Variants in ARL13B observed in about 807,000 individuals in gnomAD.
ARL13B encodes the protein ADP-ribosylation factor-like protein 13B.
A neutral mutation model predicts 56.1 loss-of-function variants in ARL13B; 36 were observed. That is an observed-to-expected ratio of 0.64 (90% confidence interval 0.49 to 0.85). The LOEUF is 0.85. ARL13B is among the 40% of genes least tolerant of loss of function. ARL13B has a pLI of 0.00. For synonymous variants in ARL13B, 178 were observed against 171.1 expected (o/e 1.04, Z -0.32); for missense variants, 519 against 507.1 (o/e 1.02, Z -0.23).
chr3:94,021,151 A>G (rs1422189036), intron 3 of ARL13B, among the ~76,000 whole-genome samples: 1 of 150,580 alleles, frequency 6.6e-6, no homozygotes, highest in Non-Finnish European at 1.5e-5. Flanking sequence ...AGGTGTTAAA[A>G]AGTTGTTTTT....
At chr3:94,003,137 C>G (rs983530632) in intron 2 of ARL13B, among the ~76,000 whole-genome samples, 1 of 152,106 alleles carries the variant, frequency 6.6e-6, no homozygotes, top group Non-Finnish European at 1.5e-5. Context: ...CTTTTTGTTG[C>G]AAGCTGCCCT....
At chr3:94,039,314 T>C (rs548318845) in intron 5 of ARL13B, among the ~76,000 whole-genome samples, 138 of 151,978 alleles carry the variant, frequency 9.1e-4, no homozygotes, top group African/African-American at 3.3e-3. Context: ...TCCTGGCTAA[T>C]AGGGTGAAAC....
At chr3:94,026,501 G>GTAGT (rs1559995331) in intron 3 of ARL13B, among the ~76,000 whole-genome samples, 1 of 152,034 alleles carries the variant, frequency 6.6e-6, no homozygotes, top group Non-Finnish European at 1.5e-5. Context: ...ACATTTTCTA[G>GTAGT]TAGTTGCATA....
At chr3:94,008,196 T>C (rs1052932920) in intron 3 of ARL13B, among the ~76,000 whole-genome samples, 1 of 152,214 alleles carries the variant, frequency 6.6e-6, no homozygotes, top group African/African-American at 2.4e-5. Context: ...TTTGCAATCA[T>C]GTTAATCTAC....
chr3:94,047,908 G>T (rs971050758), intron 7 of ARL13B: 15 of 152,084 alleles, frequency 9.9e-5, no homozygotes, highest in African/African-American at 3.6e-4. Context: ...GTTTCTAAGT[G>T]TGATTGTATT....
At chr3:94,043,748 C>T (rs1471580819) in intron 7 of ARL13B, among the ~76,000 whole-genome samples, 1 of 132,700 alleles carries the variant, frequency 7.5e-6, no homozygotes, top group Non-Finnish European at 1.6e-5. Context: ...ACCTCCCTGC[C>T]TCGGGCTCCT....
intron 1 of ARL13B, among the ~76,000 whole-genome samples, chr3:93,983,745 T>C (rs1710323841): frequency 1.3e-5 from 2 of 152,148 alleles, no homozygotes; most frequent in African/African-American, 4.8e-5. Flanking sequence ...TTGATTACTG[T>C]TGTGTTTTTT....
At position 93,995,899 on chromosome 3, in the gene ARL13B, C is replaced by A; in HGVS notation, c.85C>A (p.Leu29Ile). 1 of 1,612,908 alleles carries A rather than the reference C, an allele frequency of 6.2e-7. No individual in the cohort carries two copies. The highest frequency in any genetic ancestry group is 8.5e-7 in the Non-Finnish European group (1 of 1,179,374). Residue 29 changes from leucine (L) to isoleucine (I), a missense_variant, in exon 2 of 10, where the codon CTT (leucine) becomes ATT (isoleucine). Transcript: ENST00000394222. ...VRKVTLLMVGLDNAGKTATAK... is the reference protein window; with the variant it reads ...VRKVTLLMVGIDNAGKTATAK... ...AAAGGTGACTCTTTTGATGGTGGGA[C>A]TTGATAATGCTGGTAAAACCGCAAC... is the stretch of plus-strand genomic sequence containing the variant.
intron 2 of ARL13B, among the ~76,000 whole-genome samples, chr3:93,997,822 A>G (rs990218426): frequency 1.3e-5 from 2 of 152,152 alleles, no homozygotes; most frequent in African/African-American, 4.8e-5. Context: ...CCCCATCTCT[A>G]CTAAAAATAC....
At chr3:94,037,355 T>C (rs915464564) in intron 5 of ARL13B, among the ~76,000 whole-genome samples, 2 of 152,210 alleles carry the variant, frequency 1.3e-5, no homozygotes, top group African/African-American at 2.4e-5. Context: ...TTTAACATAG[T>C]TGTAGCCCAG....
intron 3 of ARL13B, among the ~76,000 whole-genome samples, chr3:94,013,297 T>C (rs989372658): frequency 3.9e-5 from 6 of 152,232 alleles, no homozygotes; most frequent in Admixed American, 2.0e-4. Context: ...TGCCCAGAAC[T>C]TAACATTATC....
rs1420412626 is a variant in ARL13B at position 94,054,893 on chromosome 3, TTA to T, written c.*1631_*1632del. 1 of 279,708 alleles carries T rather than the reference TTA, an allele frequency of 3.6e-6. No individual in the cohort carries two copies. Among genetic ancestry groups the T allele is most frequent in the Non-Finnish European group, 7.1e-6 (1 of 140,944 alleles). 17.3% of individuals were successfully genotyped at this position (279,708 alleles called of 1,614,324 possible). On this transcript the variant is annotated 3_prime_UTR_variant, in exon 10 of 10. Coordinates refer to ENST00000394222, the MANE Select transcript of ARL13B (RefSeq NM_001174150.2). ...GACAATGTAAACTTTGAAAAGGATT[TTA>T]GAGGGAAAATTGCATAGCTTTTTGT...
intron 3 of ARL13B, among the ~76,000 whole-genome samples, chr3:94,012,660 T>A (rs903200553): frequency 2.0e-5 from 3 of 152,170 alleles, no homozygotes; most frequent in Non-Finnish European, 2.9e-5. Flanking sequence ...ATACTTTATC[T>A]ACTCTGAAAT....
intron 7 of ARL13B, among the ~76,000 whole-genome samples, chr3:94,049,193 C>A (rs1478748599): frequency 1.3e-5 from 2 of 152,048 alleles, no homozygotes; most frequent in Non-Finnish European, 2.9e-5. Flanking sequence ...TTATCATATT[C>A]ATTGCTCATT....
intron 1 of ARL13B, chr3:93,988,755 T>A (rs1710588625): frequency 6.8e-6 from 3 of 442,828 alleles, no homozygotes; most frequent in South Asian, 5.1e-5. Context: ...TGGCCTGTTT[T>A]CCCTATGCTC....
In ARL13B at chr3:94,012,616, A is replaced by T. The variant is rs1285029362; in HGVS notation, c.380+8708A>T. 5.9e-5 allele frequency among the ~76,000 whole-genome samples: 9 copies of T among 152,320 alleles called. No homozygotes were observed. The East Asian group carries it at 1.5e-3, about 26-fold the overall frequency. On this transcript the variant is annotated intron_variant, in intron 3 of 9. Coordinates refer to ENST00000394222, the MANE Select transcript of ARL13B (RefSeq NM_001174150.2). ...TTAATTTTGTTGCACCTCAGTGTTC[A>T]TATTGGTAAAATTGTAAAAATAGTG... is the stretch of plus-strand genomic sequence containing the variant.
At chr3:94,009,122 T>TA (rs779549562) in intron 3 of ARL13B, among the ~76,000 whole-genome samples, 138 of 151,192 alleles carry the variant, frequency 9.1e-4, no homozygotes, top group African/African-American at 3.2e-3. Context: ...GATAGATAGA[T>TA]ATTCTTGACC....
chr3:94,028,930 AT>A (rs2076611608), intron 3 of ARL13B, among the ~76,000 whole-genome samples: 1 of 152,088 alleles, frequency 6.6e-6, no homozygotes, highest in Non-Finnish European at 1.5e-5. Context: ...AATCTGTCCT[AT>A]TTTAGGAAAT....
chr3:94,017,868 T>G (rs1351929957), intron 3 of ARL13B, among the ~76,000 whole-genome samples: 1 of 151,810 alleles, frequency 6.6e-6, no homozygotes, highest in African/African-American at 2.4e-5. Flanking sequence ...AAGAACAAAG[T>G]GAATGTAGAT....
Sources: allele counts gnomAD v4.1 joint callset (sites outside exome capture counted in the v4.1 genomes callset), GRCh38; gene constraint gnomAD v4.1.1; transcripts MANE v1.5; gene names NCBI Gene and HGNC (gene_info 2026-07-23, HGNC 2026-07-21).